The following GMDS variants were observed in gnomAD, a reference collection of about 807,000 sequenced individuals.
GMDS encodes the protein GDP-mannose 4,6 dehydratase.
In GMDS, 20 loss-of-function variants were observed where a neutral mutation model predicts 49.9. The ratio of observed to expected loss-of-function variants is 0.40; its 90% CI spans 0.28 to 0.58. The LOEUF (loss-of-function observed/expected upper bound fraction) is 0.58. Ranked by LOEUF, GMDS falls within the 20% of genes least tolerant of loss-of-function variation. The pLI is 0.42. For missense variants in GMDS, 362 were observed against 481.4 expected, an observed-to-expected ratio of 0.75 and a Z score of 2.32; for synonymous variants, 177 against 178.6, an observed-to-expected ratio of 0.99 and a Z score of 0.07.
intron 1 of GMDS, among the ~76,000 whole-genome samples, chr6:2,192,032 T>G (rs932973151): frequency 6.6e-6 from 1 of 152,076 alleles, no homozygotes; most frequent in Non-Finnish European, 1.5e-5. Context: ...GGGCAGGGGA[T>G]GGGGAGAAGA....
rs562521357 is a variant in GMDS, at chr6:1,799,373, G to C, written c.772-56787C>G. Among the ~76,000 whole-genome samples the C allele has an allele frequency of 4.2e-4, 64 of 152,284 alleles. 1 individual carries two copies. Among genetic ancestry groups the C allele is most frequent in the African/African-American group, 1.5e-3 (62 of 41,562 alleles). ...ATGGCATATATCTAAGAAAGCTCAA[G>C]CCTTGGCAACACGGTGCCTTTTGAC... On this transcript the variant is annotated intron_variant, in intron 7 of 10. Transcript: ENST00000380815.
At chr6:2,228,318 A>C (rs1193859902) in intron 1 of GMDS, among the ~76,000 whole-genome samples, 1 of 152,150 alleles carries the variant, frequency 6.6e-6, no homozygotes, top group African/African-American at 2.4e-5. Flanking sequence ...CTGGGCCTTC[A>C]CGTCCTCCTT....
intron 9 of GMDS, among the ~76,000 whole-genome samples, chr6:1,716,911 A>G (rs1432245842): frequency 6.6e-6 from 1 of 152,226 alleles, no homozygotes; most frequent in African/African-American, 2.4e-5. Context: ...CCAGTTGCCC[A>G]AATGTATCAG....
At chr6:1,794,150 C>T (rs1383191386) in intron 7 of GMDS, among the ~76,000 whole-genome samples, 2 of 152,270 alleles carry the variant, frequency 1.3e-5, no homozygotes, top group Non-Finnish European at 2.9e-5. Flanking sequence ...ATTTACTGGC[C>T]ACTTTTCCAA....
rs75471895 is a variant in GMDS, at chr6:1,900,632, A to G, written c.771+29471T>C. On this transcript the variant is annotated intron_variant, in intron 7 of 10. Transcript: ENST00000380815. ...AACTAGTCATGAAGTTTTATGGCCAACTTCTACTAATCTTTCAAATAATGT... is the reference window on the plus strand; with the variant it reads ...AACTAGTCATGAAGTTTTATGGCCAGCTTCTACTAATCTTTCAAATAATGT... Among the ~76,000 whole-genome samples, 10 of 152,342 alleles carry G rather than the reference A, an allele frequency of 6.6e-5. No homozygotes were observed. The East Asian group carries it at 1.9e-3, about 29-fold the overall frequency.
At chr6:2,020,608 A>G (rs1428837677) in intron 4 of GMDS, among the ~76,000 whole-genome samples, 2 of 152,172 alleles carry the variant, frequency 1.3e-5, no homozygotes, top group East Asian at 1.9e-4. Flanking sequence ...CAATGCATCC[A>G]GAGGCATATT....
chr6:1,882,329 G>T (rs1005968222), intron 7 of GMDS, among the ~76,000 whole-genome samples: 2 of 152,162 alleles, frequency 1.3e-5, no homozygotes, highest in African/African-American at 4.8e-5. Context: ...ATATTGCTTA[G>T]AAATGCAAAT....
chr6:1,840,232 T>C (rs1757097656), intron 7 of GMDS, among the ~76,000 whole-genome samples: 1 of 152,194 alleles, frequency 6.6e-6, no homozygotes, highest in African/African-American at 2.4e-5. Context: ...TGTTGAGACT[T>C]TGCAAGACCT....
At chr6:1,722,999 C>T (rs1236474541) in intron 9 of GMDS, among the ~76,000 whole-genome samples, 1 of 152,148 alleles carries the variant, frequency 6.6e-6, no homozygotes, top group Non-Finnish European at 1.5e-5. Flanking sequence ...CTCAATTGAG[C>T]TTTAATTGGA....
chr6:2,236,571 C>T (rs1781364277), intron 1 of GMDS, among the ~76,000 whole-genome samples: 1 of 152,070 alleles, frequency 6.6e-6, no homozygotes, highest in Admixed American at 6.5e-5. Context: ...TATTGATCAC[C>T]AAAAAATACT....
intron 7 of GMDS, among the ~76,000 whole-genome samples, chr6:1,799,697 A>G (rs1769870869): frequency 6.6e-6 from 1 of 152,186 alleles, no homozygotes; most frequent in African/African-American, 2.4e-5. Context: ...GAGACTCCAG[A>G]GAAGATGACT....
At chr6:1,646,884 G>A (rs1302643730) in intron 9 of GMDS, among the ~76,000 whole-genome samples, 1 of 152,176 alleles carries the variant, frequency 6.6e-6, no homozygotes, top group African/African-American at 2.4e-5. Flanking sequence ...GTGGTGGGGG[G>A]TGGGGTGGGG....
intron 9 of GMDS, among the ~76,000 whole-genome samples, chr6:1,678,272 A>G (rs1011117645): frequency 6.6e-6 from 1 of 152,128 alleles, no homozygotes; most frequent in Non-Finnish European, 1.5e-5. Context: ...GTTCTCCCTA[A>G]CAAAGGTCTC....
chr6:2,127,631 G>C (rs902884630), intron 1 of GMDS, among the ~76,000 whole-genome samples: 1 of 152,200 alleles, frequency 6.6e-6, no homozygotes, highest in Non-Finnish European at 1.5e-5. Context: ...CAGGCCTCTC[G>C]AGTGATAGGG....
At chr6:2,022,303 G>A (rs1768324602) in intron 4 of GMDS, among the ~76,000 whole-genome samples, 1 of 152,092 alleles carries the variant, frequency 6.6e-6, no homozygotes. Context: ...TTGTAAATGG[G>A]TGGATATAGG....
intron 8 of GMDS, among the ~76,000 whole-genome samples, chr6:1,733,161 C>A (rs1165723832): frequency 3.3e-5 from 5 of 152,246 alleles, no homozygotes; most frequent in Non-Finnish European, 7.3e-5. Flanking sequence ...TGCACCACCA[C>A]AGAAGCCACT....
intron 6 of GMDS, 59 bp from the exon 7 acceptor site, chr6:1,930,289 G>A (rs1346157359): frequency 6.7e-7 from 1 of 1,491,058 alleles, no homozygotes; most frequent in Non-Finnish European, 9.2e-7. Context: ...TTAACAGTTT[G>A]GTGAACCAAA....
chr6:2,166,840 C>T (rs1777694071), intron 1 of GMDS, among the ~76,000 whole-genome samples: 1 of 152,228 alleles, frequency 6.6e-6, no homozygotes, highest in Non-Finnish European at 1.5e-5. Context: ...CAGCCTGTCA[C>T]ACCTAGTGAG....
chr6:1,938,122 A>G (rs529725891), intron 6 of GMDS, among the ~76,000 whole-genome samples: 17 of 152,362 alleles, frequency 1.1e-4, no homozygotes, highest in African/African-American at 4.1e-4. Flanking sequence ...TGAGCATAAT[A>G]GCCAAATAGG....
Sources: gnomAD v4.1 joint callset for allele counts (sites outside exome capture counted in the v4.1 genomes callset) on GRCh38, gnomAD v4.1.1 for gene constraint, MANE v1.5 for transcripts, NCBI Gene and HGNC (gene_info 2026-07-23, HGNC 2026-07-21) for gene names.